The following MIX23 variants were observed in gnomAD, a reference collection of about 807,000 sequenced individuals.
The protein encoded by MIX23 is protein MIX23.
Under a neutral mutation model 21.6 loss-of-function variants are expected in MIX23, and 13 were observed. That is an observed-to-expected ratio of 0.60 (90% confidence interval 0.39 to 0.96). MIX23 has a LOEUF of 0.96. MIX23 is among the 40% of genes least tolerant of loss of function. The pLI, the probability that MIX23 is intolerant of heterozygous loss-of-function variation, is 0.00. For synonymous variants in MIX23, 59 were observed against 58.0 expected, an observed-to-expected ratio of 1.02 and a Z score of -0.08; for missense variants, 144 against 171.2, an observed-to-expected ratio of 0.84 and a Z score of 0.89.
At chr3:122,365,796 G>T (rs535368515) in intron 3 of MIX23, among the ~76,000 whole-genome samples, 1 of 152,292 alleles carries the variant, frequency 6.6e-6, no homozygotes, top group African/African-American at 2.4e-5. Context: ...AACAGCCTTT[G>T]CCCTGCAGTT....
intron 3 of MIX23, among the ~76,000 whole-genome samples, chr3:122,363,922 T>C (rs1278595512): frequency 6.6e-6 from 1 of 151,974 alleles, no homozygotes; most frequent in Admixed American, 6.6e-5. Flanking sequence ...GGCTTGAAAA[T>C]ATTCAGGAAA....
intron 1 of MIX23, among the ~76,000 whole-genome samples, chr3:122,375,576 A>G (rs1313889390): frequency 6.6e-6 from 1 of 152,232 alleles, no homozygotes; most frequent in African/African-American, 2.4e-5. Context: ...AAGAGTAGCC[A>G]TGAATTAGTT....
chr3:122,380,751 T>C (rs1030179885), intron 1 of MIX23, among the ~76,000 whole-genome samples: 10 of 152,130 alleles, frequency 6.6e-5, no homozygotes, highest in African/African-American at 1.7e-4. Context: ...CAGAATATAA[T>C]AGCATATGCC....
intron 3 of MIX23, among the ~76,000 whole-genome samples, chr3:122,364,997 A>T (rs2075386483): frequency 1.3e-5 from 2 of 152,202 alleles, no homozygotes; most frequent in Non-Finnish European, 2.9e-5. Flanking sequence ...ATTATTTTTT[A>T]AAATTCTACA....
intron 4 of MIX23, among the ~76,000 whole-genome samples, 163 bp from the exon 5 acceptor site, chr3:122,360,082 T>G (rs887692228): frequency 6.6e-6 from 1 of 152,152 alleles, no homozygotes; most frequent in Non-Finnish European, 1.5e-5. Flanking sequence ...AACTGACTTA[T>G]GAGGTGCCAA....
Position 122,363,034 on chromosome 3 carries a change from G to T in MIX23, c.325-7C>A. The T allele has an allele frequency of 7.7e-7, 1 of 1,300,736 alleles. No individual in the cohort carries two copies. Among genetic ancestry groups the T allele is most frequent in the Non-Finnish European group, 1.0e-6 (1 of 964,120 alleles). 80.6% of individuals were successfully genotyped at this position (1,300,736 alleles called of 1,614,324 possible). On this transcript the variant is annotated splice_region_variant and splice_polypyrimidine_tract_variant and intron_variant, in intron 3 of 4. Coordinates refer to ENST00000291458, the MANE Select transcript of MIX23 (RefSeq NM_001017928.4). Reference sequence around the variant, plus strand: ...CTGACTGCATCCATTTCAACTGCAAGAAAAAAAAAAATTGAAGTTATAAAA... The same window carrying T: ...CTGACTGCATCCATTTCAACTGCAATAAAAAAAAAAATTGAAGTTATAAAA...
In MIX23 at chr3:122,362,949, C is replaced by T; in HGVS notation, c.384+19G>A. ...AGTTTCCCTCCTACTTCTTTCCAAA[C>T]ACCAACATTATTTTATACCTTCCAG... is the stretch of plus-strand genomic sequence containing the variant. On this transcript the variant is annotated intron_variant, in intron 4 of 4. Transcript: ENST00000291458. 2 of 1,608,854 alleles carry T rather than the reference C, an allele frequency of 1.2e-6. No homozygotes were observed. Among genetic ancestry groups the T allele is most frequent in the East Asian group, 2.2e-5 (1 of 44,838 alleles).
intron 1 of MIX23, among the ~76,000 whole-genome samples, chr3:122,373,639 CT>C (rs2075460435): frequency 1.3e-5 from 2 of 152,182 alleles, no homozygotes; most frequent in South Asian, 4.1e-4. Flanking sequence ...CATTTGGCCA[CT>C]TTCTCATTAA....
intron 1 of MIX23, among the ~76,000 whole-genome samples, chr3:122,378,589 G>A (rs2075506567): frequency 6.6e-6 from 1 of 152,206 alleles, no homozygotes; most frequent in South Asian, 2.1e-4. Flanking sequence ...AACCTATACA[G>A]CAGGTTACTG....
intron 3 of MIX23, among the ~76,000 whole-genome samples, chr3:122,367,192 A>C (rs1258388452): frequency 6.6e-6 from 1 of 151,986 alleles, no homozygotes; most frequent in Non-Finnish European, 1.5e-5. Context: ...GGGTGAAGAG[A>C]ATGAACTGTA....
At position 122,377,199 on chromosome 3, in the gene MIX23, T is replaced by C. The variant is rs960959508; in HGVS notation, c.52-5399A>G. On this transcript the variant is annotated intron_variant, in intron 1 of 4. Transcript: ENST00000291458. ...CCATCTCCGAAAAGAAACCTGTATA[T>C]GTACCCCCAAATCTAAAATTTTTTA... is the stretch of plus-strand genomic sequence containing the variant. Among the ~76,000 whole-genome samples the C allele has an allele frequency of 8.5e-5, 13 of 152,130 alleles. No homozygotes were observed. The East Asian group carries it at 2.3e-3, about 27-fold the overall frequency.
At chr3:122,379,737 C>A (rs779117200) in intron 1 of MIX23, among the ~76,000 whole-genome samples, 2 of 152,222 alleles carry the variant, frequency 1.3e-5, no homozygotes, top group African/African-American at 2.4e-5. Context: ...CTGAAGGCTG[C>A]ATCTTGTGTA....
At chr3:122,364,398 G>A (rs2075381478) in intron 3 of MIX23, among the ~76,000 whole-genome samples, 1 of 152,164 alleles carries the variant, frequency 6.6e-6, no homozygotes, top group African/African-American at 2.4e-5. Context: ...CCACTTCTCT[G>A]ACAAAGCCTG....
chr3:122,367,932 T>C (rs1428895485), intron 3 of MIX23: 2 of 480,326 alleles, frequency 4.2e-6, no homozygotes, highest in African/African-American at 3.9e-5. Flanking sequence ...TGAAAATAAA[T>C]TATGACTGTG....
At chr3:122,362,912 C>T (rs2075369507) in intron 4 of MIX23, 56 bp downstream of exon 4, 3 of 1,469,830 alleles carry the variant, frequency 2.0e-6, no homozygotes, top group Non-Finnish European at 1.9e-6. Context: ...CTTGGTTTCC[C>T]TTTGCTAGTT....
chr3:122,361,647 T>G (rs2075359712), intron 4 of MIX23, among the ~76,000 whole-genome samples: 1 of 152,232 alleles, frequency 6.6e-6, no homozygotes. Flanking sequence ...TGCACTTGTT[T>G]TTTCAAGCCA....
intron 1 of MIX23, 165 bp downstream of exon 1, chr3:122,383,009 T>C (rs2075547326): frequency 2.4e-6 from 2 of 824,768 alleles, no homozygotes; most frequent in Admixed American, 3.9e-5. Context: ...GCAGCCTCGC[T>C]CCCTAAGGCC....
chr3:122,372,224 CAAAA>C (rs55800173), intron 1 of MIX23, among the ~76,000 whole-genome samples: 1 of 46,102 alleles, frequency 2.2e-5, no homozygotes, highest in Non-Finnish European at 4.0e-5. Flanking sequence ...CTCCAACTCT[CAAAA>C]AAAAAAAAAA....
chr3:122,362,469 T>G (rs2075364813), intron 4 of MIX23, among the ~76,000 whole-genome samples: 1 of 151,926 alleles, frequency 6.6e-6, no homozygotes, highest in South Asian at 2.1e-4. Context: ...AAAGCTAATT[T>G]TGTTTTGTTT....
Sources: gnomAD v4.1 joint callset for allele counts (sites outside exome capture counted in the v4.1 genomes callset) on GRCh38, gnomAD v4.1.1 for gene constraint, MANE v1.5 for transcripts, NCBI Gene and HGNC (gene_info 2026-07-23, HGNC 2026-07-21) for gene names.